The following HDAC4 variants were observed in gnomAD, a reference collection of about 807,000 sequenced individuals.
HDAC4 encodes the protein histone deacetylase 4, also known as histone deacetylase A.
Under a neutral mutation model 135.1 loss-of-function variants are expected in HDAC4, and 16 were observed. The observed-to-expected ratio is 0.12, with a 90% CI of 0.08 to 0.18. The LOEUF is 0.18. Ranked by LOEUF, HDAC4 falls within the 10% of genes least tolerant of loss-of-function variation. HDAC4 has a pLI of 1.00. For synonymous variants in HDAC4, 685 were observed against 653.4 expected (o/e 1.05, Z -0.74); for missense variants, 1,143 against 1,511.8 (o/e 0.76, Z 4.05).
intron 4 of HDAC4, among the ~76,000 whole-genome samples, chr2:239,179,820 A>G (rs1448810984): frequency 1.3e-5 from 2 of 152,246 alleles, no homozygotes; most frequent in Non-Finnish European, 2.9e-5. Flanking sequence ...CGGCGTGCTC[A>G]GGGTGGGAGG....
intron 2 of HDAC4, among the ~76,000 whole-genome samples, chr2:239,263,650 G>A (rs1221150993): frequency 4.6e-5 from 7 of 152,182 alleles, no homozygotes; most frequent in Admixed American, 6.5e-5. Flanking sequence ...AGAAGGACAC[G>A]GGAGAGAAGA....
intron 2 of HDAC4, among the ~76,000 whole-genome samples, chr2:239,290,301 G>A (rs1459651855): frequency 6.6e-6 from 1 of 152,120 alleles, no homozygotes; most frequent in African/African-American, 2.4e-5. Flanking sequence ...GCACCCTAAG[G>A]CCAGGCTGTG....
At chr2:239,302,991 C>T (rs2052357818) in intron 2 of HDAC4, among the ~76,000 whole-genome samples, 2 of 152,180 alleles carry the variant, frequency 1.3e-5, no homozygotes, top group Admixed American at 6.5e-5. Context: ...ACTGCCTGGG[C>T]ACTCTGCATG....
chr2:239,159,068 TCA>T (rs1044557904), intron 6 of HDAC4, among the ~76,000 whole-genome samples: 10 of 145,648 alleles, frequency 6.9e-5, no homozygotes, highest in Admixed American at 4.1e-4. Context: ...TATCTGCATC[TCA>T]CTACTCACCT....
At chr2:239,163,758 G>A in intron 6 of HDAC4, 45 bp downstream of exon 6, 1 of 1,605,368 alleles carries the variant, frequency 6.2e-7, no homozygotes, top group Non-Finnish European at 8.5e-7. Context: ...CAGTCCTCTG[G>A]GCCCCCAGAG....
intron 2 of HDAC4, among the ~76,000 whole-genome samples, chr2:239,326,784 A>T (rs146437257): frequency 0.011 from 1,708 of 152,356 alleles, 17 homozygotes; most frequent in Non-Finnish European, 0.016. Flanking sequence ...GGCCATGGGC[A>T]TCCCAGCGAG....
In HDAC4 at chr2:239,048,178, A is replaced by C. The variant is rs934583033; in HGVS notation, c.*4919T>G. ...GGCAGAAACCAGAGCTGGGAGGGCA[A>C]GTAACGCAGTCTTTATTTACACCAC... On this transcript the variant is annotated 3_prime_UTR_variant, in exon 27 of 27. Coordinates refer to ENST00000543185, the MANE Select transcript of HDAC4 (RefSeq NM_001378414.1). 1 of 152,320 alleles carries C rather than the reference A, an allele frequency of 6.6e-6. No individual in the cohort carries two copies. Among genetic ancestry groups the C allele is most frequent in the Admixed American group, 6.5e-5 (1 of 15,290 alleles). 9.4% of individuals were successfully genotyped at this position (152,320 alleles called of 1,614,324 possible). A position where few individuals can be genotyped will look rare whatever the true frequency, so the allele number is the denominator to read the frequency against.
At chr2:239,205,316 A>C (rs534710336) in intron 3 of HDAC4, among the ~76,000 whole-genome samples, 1 of 152,338 alleles carries the variant, frequency 6.6e-6, no homozygotes, top group East Asian at 1.9e-4. Context: ...CTTCAAAGCG[A>C]AACAGCAGAC....
At chr2:239,111,403 G>C in intron 14 of HDAC4, 123 bp downstream of exon 14, 1 of 921,042 alleles carries the variant, frequency 1.1e-6, no homozygotes, top group East Asian at 2.6e-5. Context: ...ACCATCCAGC[G>C]TGGCCCTCGT....
intron 16 of HDAC4, among the ~76,000 whole-genome samples, chr2:239,098,000 GAC>G (rs1241583242): frequency 1.3e-5 from 2 of 152,208 alleles, no homozygotes; most frequent in African/African-American, 2.4e-5. Context: ...ATTCACAGTA[GAC>G]ACACGTGTCC....
rs1403652853 is a variant in HDAC4 at position 239,240,060 on chromosome 2, C to T, written c.23-3396G>A. The stretch of plus-strand genomic sequence containing the variant: ...ACAGCATGACAGATGCCGCATCCCT[C>T]ATTATGAAAGGCTGGGGCTCAGGGC... On this transcript the variant is annotated intron_variant, in intron 2 of 26. Transcript: ENST00000543185. This position sits in a 1 kb window ranked among gnomAD's most constrained non-coding sequence, Gnocchi z 4.5. Among the ~76,000 whole-genome samples, 2 of 152,266 alleles carry T rather than the reference C, an allele frequency of 1.3e-5. No individual in the cohort carries two copies. Among genetic ancestry groups the T allele is most frequent in the Non-Finnish European group, 2.9e-5 (2 of 68,048 alleles).
At chr2:239,110,688 C>T (rs1259139139) in intron 14 of HDAC4, among the ~76,000 whole-genome samples, 2 of 152,234 alleles carry the variant, frequency 1.3e-5, no homozygotes, top group Non-Finnish European at 2.9e-5. Flanking sequence ...GCTGTATTTA[C>T]AGAACATTTT....
At chr2:239,343,676 GCTGCCCTGC>G (rs368184445) in intron 2 of HDAC4, among the ~76,000 whole-genome samples, 167 of 152,250 alleles carry the variant, frequency 1.1e-3, no homozygotes, top group African/African-American at 3.3e-3. Context: ...CAGAGTGCCT[GCTGCCCTGC>G]CTGCCCTGCC....
chr2:239,053,657 T>C, intron 25 of HDAC4, 56 bp from the exon 26 acceptor site: 2 of 1,548,626 alleles, frequency 1.3e-6, no homozygotes, highest in Non-Finnish European at 1.8e-6. Context: ...CAGGATGCAC[T>C]GAGGCCCGGG....
intron 1 of HDAC4, among the ~76,000 whole-genome samples, chr2:239,397,643 G>A (rs1696656629): frequency 6.6e-6 from 1 of 152,132 alleles, no homozygotes; most frequent in Non-Finnish European, 1.5e-5. Flanking sequence ...AATGCTGCAG[G>A]CACCATGGCC....
At chr2:239,298,220 C>G in intron 2 of HDAC4, 1 of 1,289,620 alleles carries the variant, frequency 7.8e-7, no homozygotes, top group Non-Finnish European at 1.0e-6. Flanking sequence ...CTCGGTATTC[C>G]GGAAGCAGCC....
At chr2:239,140,479 C>T (rs572746603) in intron 8 of HDAC4, among the ~76,000 whole-genome samples, 27 of 152,322 alleles carry the variant, frequency 1.8e-4, no homozygotes, top group African/African-American at 6.0e-4. Flanking sequence ...ATTTTGGGCA[C>T]ACACATCCAC....
intron 19 of HDAC4, among the ~76,000 whole-genome samples, chr2:239,087,171 G>A (rs574582440): frequency 3.9e-5 from 6 of 152,262 alleles, no homozygotes; most frequent in Non-Finnish European, 8.8e-5. Flanking sequence ...CCAGGCATTC[G>A]GCAGGCAGCT....
At chr2:239,398,195 G>C (rs770041718) in intron 1 of HDAC4, among the ~76,000 whole-genome samples, 1 of 152,212 alleles carries the variant, frequency 6.6e-6, no homozygotes, top group Non-Finnish European at 1.5e-5. Context: ...CCTACATCAG[G>C]TATTAATATA....
Sources: allele counts gnomAD v4.1 joint callset (sites outside exome capture counted in the v4.1 genomes callset), GRCh38; gene constraint gnomAD v4.1.1; non-coding constraint Gnocchi (gnomAD v3.1); transcripts MANE v1.5; gene names NCBI Gene and HGNC (gene_info 2026-07-23, HGNC 2026-07-21).